Variants in N4BP2 observed in about 807,000 individuals in gnomAD.
N4BP2 encodes the protein NEDD4 binding protein 2.
N4BP2 carries 91 observed loss-of-function variants against 152.8 expected under a neutral mutation model. The ratio of observed to expected loss-of-function variants is 0.60; its 90% CI spans 0.50 to 0.71. N4BP2 has a LOEUF of 0.71. N4BP2 is among the 30% of genes least tolerant of loss of function. The probability of loss-of-function intolerance (pLI) is 0.00; values close to 1 mark genes in which losing one functional copy is unlikely to be tolerated. For missense variants in N4BP2, 1,923 were observed against 2,059.1 expected (o/e 0.93, Z 1.28); for synonymous variants, 646 against 705.3 (o/e 0.92, Z 1.33).
At chr4:40,096,331 G>A (rs1367218264) in intron 2 of N4BP2, among the ~76,000 whole-genome samples, 2 of 152,156 alleles carry the variant, frequency 1.3e-5, no homozygotes, top group East Asian at 3.8e-4. Flanking sequence ...ATGATAAGAA[G>A]GTGATAAGGA....
At chr4:40,116,548 G>A (rs1483827464) in intron 7 of N4BP2, among the ~76,000 whole-genome samples, 3 of 151,964 alleles carry the variant, frequency 2.0e-5, no homozygotes, top group African/African-American at 7.2e-5. Flanking sequence ...TCCTCCTCAC[G>A]CATACGAAGA....
chr4:40,076,475 CA>C (rs903237789), intron 2 of N4BP2, among the ~76,000 whole-genome samples: 6 of 150,188 alleles, frequency 4.0e-5, no homozygotes, highest in Admixed American at 6.6e-5. Context: ...GACTTTGTGT[CA>C]AAAAAAACCC....
chr4:40,190,009 G>A, the N4BP2 span, among the ~76,000 whole-genome samples: 55 of 152,010 alleles, frequency 3.6e-4, no homozygotes, highest in East Asian at 3.9e-3. Context: ...TACATTTTTC[G>A]TCTTTCTATG....
chr4:40,127,085 T>G (rs561153794), intron 12 of N4BP2, among the ~76,000 whole-genome samples: 2 of 151,450 alleles, frequency 1.3e-5, no homozygotes, highest in Admixed American at 1.3e-4. Context: ...TAGAGACAGT[T>G]TTGCCATGTT....
chr4:40,064,060 G>C (rs1264209351), intron 1 of N4BP2, among the ~76,000 whole-genome samples: 1 of 151,930 alleles, frequency 6.6e-6, no homozygotes, highest in African/African-American at 2.4e-5. Flanking sequence ...AGCCTCCCAA[G>C]GTGCTGGGAC....
chr4:40,074,720 G>A (rs1010371026), intron 2 of N4BP2, among the ~76,000 whole-genome samples: 6 of 152,004 alleles, frequency 3.9e-5, no homozygotes. Context: ...TTAAAGGCCA[G>A]TCTTGGCTGG....
At position 40,120,366 on chromosome 4, in the gene N4BP2, C is replaced by T. The variant is rs370559845; in HGVS notation, c.2255C>T (p.Pro752Leu). 1.2e-6 allele frequency: 2 copies of T among 1,613,074 alleles called. No homozygotes were observed. Among genetic ancestry groups the T allele is most frequent in the East Asian group, 2.2e-5 (1 of 44,870 alleles). ...SGPLQNEKSS[P>L]GEIVEERATV... The stretch of plus-strand genomic sequence containing the variant: ...CCACTTCAAAATGAAAAATCCTCAC[C>T]TGGTGAAATAGTGGAAGAAAGAGCA... Residue 752 changes from proline (P) to leucine (L), a missense_variant, in exon 9 of 18, where the codon CCT becomes CTT. Transcript: ENST00000261435.
At chr4:40,189,310 T>TTA in the N4BP2 span, among the ~76,000 whole-genome samples, 2 of 152,122 alleles carry the variant, frequency 1.3e-5, no homozygotes, top group South Asian at 2.1e-4. The surrounding 1 kb of genome is among the most constrained non-coding windows in gnomAD (Gnocchi z 4.3). Flanking sequence ...TTGGCTCTGG[T>TTA]TATAGTTCTC....
chr4:40,126,545 T>G (rs1238962319), intron 12 of N4BP2, among the ~76,000 whole-genome samples: 1 of 152,188 alleles, frequency 6.6e-6, no homozygotes, highest in East Asian at 1.9e-4. Flanking sequence ...GCCATCCATG[T>G]TAAGTTTGTG....
intron 8 of N4BP2, 81 bp from the exon 9 acceptor site, chr4:40,119,851 C>A: frequency 1.5e-6 from 1 of 649,808 alleles, no homozygotes; most frequent in South Asian, 2.7e-5. Context: ...AGTGCCCTGT[C>A]AATTAATGCT....
At chr4:40,080,327 C>T (rs12505176) in intron 2 of N4BP2, among the ~76,000 whole-genome samples, 57 of 78,250 alleles carry the variant, frequency 7.3e-4, no homozygotes, top group African/African-American at 1.2e-3. Context: ...TATATATATA[C>T]ACACACACAT....
chr4:40,137,020 G>C lies in N4BP2; in HGVS notation c.4723G>C (p.Glu1575Gln). ...CCCTGTAAAAACAGTTGTAGCCCAA[G>C]AGTTTGTTCACCAAAATGAGAATGT... ...GDPVKTVVAQ[E>Q]FVHQNENVTS... Residue 1575 changes from glutamate (E) to glutamine (Q), a missense_variant, in exon 14 of 18, where the codon GAG becomes CAG. By Grantham distance (29) the Glu-to-Gln change is conservative. Coordinates refer to ENST00000261435, the MANE Select transcript of N4BP2 (RefSeq NM_018177.6). The C allele has an allele frequency of 1.2e-6, 2 of 1,613,834 alleles. No individual in the cohort carries two copies. The highest frequency in any genetic ancestry group is 1.7e-6 in the Non-Finnish European group (2 of 1,179,814).
Position 40,147,118 on chromosome 4 carries a change from C to T in N4BP2, c.5143+2318C>T, listed in dbSNP as rs975197322. Among the ~76,000 whole-genome samples, 7 of 149,998 alleles carry T rather than the reference C, an allele frequency of 4.7e-5. 1 individual carries two copies. Among genetic ancestry groups the T allele is most frequent in the South Asian group, 4.3e-4 (2 of 4,678 alleles). ...ATTAGGGATTGGTGATGACTCTTAA[C>T]GAGCATGCTGCCTTCAAGCATCTGT... On this transcript the variant is annotated intron_variant, in intron 16 of 17. Transcript: ENST00000261435.
chr4:40,123,082 A>C lies in N4BP2; in HGVS notation c.4199-45A>C, dbSNP rs1160751422. 3.2e-6 allele frequency: 4 copies of C among 1,248,240 alleles called. No homozygotes were observed. The African/African-American group carries it at 6.0e-5, about 19-fold the overall frequency. The allele number at this position is 1,248,240 out of a possible 1,614,324, so 77.3% of individuals were successfully genotyped here. On this transcript the variant is annotated intron_variant, in intron 9 of 17. Transcript: ENST00000261435. The stretch of plus-strand genomic sequence containing the variant: ...TTTAGTATGTTTTCTGCAAATATAT[A>C]ATGAGTAATGATTACATTTTCTTCC...
chr4:40,101,628 A>G (rs1715661944), intron 3 of N4BP2, among the ~76,000 whole-genome samples: 1 of 152,200 alleles, frequency 6.6e-6, no homozygotes, highest in South Asian at 2.1e-4. Flanking sequence ...AGTGAAATTC[A>G]TAGCGTGGAT....
At chr4:40,161,059 A>T (rs1459250765), downstream of N4BP2, among the ~76,000 whole-genome samples, 1 of 152,234 alleles carries the variant, frequency 6.6e-6, no homozygotes, top group Non-Finnish European at 1.5e-5. Context: ...AAACTCAATC[A>T]ATCAATCCTG....
the N4BP2 span, among the ~76,000 whole-genome samples, chr4:40,165,392 G>A: frequency 0.013 from 2,047 of 152,228 alleles, 20 homozygotes; most frequent in Non-Finnish European, 0.02. Flanking sequence ...AGAACTACAG[G>A]TGTGCGGCAC....
chr4:40,107,387 G>C (rs1716409731), intron 5 of N4BP2, among the ~76,000 whole-genome samples: 1 of 151,466 alleles, frequency 6.6e-6, no homozygotes, highest in South Asian at 2.1e-4. Flanking sequence ...AATTGGCTTA[G>C]TATTTTTTTT....
At chr4:40,142,170 T>C in intron 14 of N4BP2, 1 of 187,594 alleles carries the variant, frequency 5.3e-6, no homozygotes, top group Middle Eastern at 2.3e-3. Flanking sequence ...GAGGGCAGCG[T>C]GTAACCTTGG....
Sources: allele counts gnomAD v4.1 joint callset (sites outside exome capture counted in the v4.1 genomes callset), GRCh38; gene constraint gnomAD v4.1.1; non-coding constraint Gnocchi (gnomAD v3.1); transcripts MANE v1.5; gene names NCBI Gene and HGNC (gene_info 2026-07-23, HGNC 2026-07-21).